The following CRNKL1 variants were observed in gnomAD, a reference collection of about 807,000 sequenced individuals.
CRNKL1 encodes the protein crooked neck pre-mRNA splicing factor 1.
CRNKL1 carries 35 observed loss-of-function variants against 103.7 expected under a neutral mutation model. The observed-to-expected ratio is 0.34, with a 90% CI of 0.26 to 0.45. The LOEUF is 0.45. Ranked by LOEUF, CRNKL1 falls within the 20% of genes least tolerant of loss-of-function variation. The pLI is 1.00. For missense variants in CRNKL1, 645 were observed against 836.0 expected (o/e 0.77, Z 2.82); for synonymous variants, 267 against 282.6 (o/e 0.94, Z 0.55).
In CRNKL1 at chr20:20,035,817, A is replaced by T. The variant is rs1211912520; in HGVS notation, c.*378T>A. The T allele has an allele frequency of 1.2e-5, 2 of 162,792 alleles. No homozygotes were observed. The highest frequency in any genetic ancestry group is 4.8e-5 in the African/African-American group (2 of 41,626). 10.1% of individuals were successfully genotyped at this position (162,792 alleles called of 1,614,324 possible). A position where few individuals can be genotyped will look rare whatever the true frequency, so the allele number is the denominator to read the frequency against. ...ATAATCATGAGTGGCAGAGCTGGGA[A>T]ATGAACTCAAGTCTGTGACTCTGAA... On this transcript the variant is annotated 3_prime_UTR_variant, in exon 14 of 14. Coordinates refer to ENST00000536226, the MANE Select transcript of CRNKL1 (RefSeq NM_001278628.2).
intron 7 of CRNKL1, 83 bp downstream of exon 7, chr20:20,043,409 G>T: frequency 2.3e-6 from 3 of 1,304,274 alleles, no homozygotes; most frequent in East Asian, 2.3e-5. Flanking sequence ...AGTGCTACTT[G>T]CTATTATTCA....
upstream of CRNKL1, among the ~76,000 whole-genome samples, chr20:20,055,246 C>CT (rs1332963261): frequency 1.3e-5 from 2 of 152,064 alleles, no homozygotes; most frequent in Admixed American, 6.5e-5. Context: ...GTTTCAGAGT[C>CT]TATCATCTAA....
At position 20,036,044 on chromosome 20, in the gene CRNKL1, C is replaced by G; in HGVS notation, c.*151G>C. On this transcript the variant is annotated 3_prime_UTR_variant, in exon 14 of 14. Transcript: ENST00000536226. ...CTTGCAATCCCTACCCCTAGCTAACCCAAGAGCATTTAAAAAATAACTTAA... is the reference window on the plus strand; with the variant it reads ...CTTGCAATCCCTACCCCTAGCTAACGCAAGAGCATTTAAAAAATAACTTAA... 2 of 827,326 alleles carry G rather than the reference C, an allele frequency of 2.4e-6. No homozygotes were observed. The highest frequency in any genetic ancestry group is 3.6e-6 in the Non-Finnish European group (2 of 554,740). The allele number at this position is 827,326 out of a possible 1,614,324, so 51.2% of individuals were successfully genotyped here.
chr20:20,054,539 G>A (rs2044134525), upstream of CRNKL1, among the ~76,000 whole-genome samples: 1 of 152,116 alleles, frequency 6.6e-6, no homozygotes, highest in Non-Finnish European at 1.5e-5. Flanking sequence ...TCAACTTTCA[G>A]TGTATGTAAG....
At chr20:20,045,901 GCA>G (rs762034946) in intron 5 of CRNKL1, among the ~76,000 whole-genome samples, 6 of 152,250 alleles carry the variant, frequency 3.9e-5, no homozygotes, top group Non-Finnish European at 7.4e-5. Flanking sequence ...AAAGCCCTTA[GCA>G]CAGTTTCTAG....
chr20:20,041,321 C>G (rs1199123709), intron 9 of CRNKL1, among the ~76,000 whole-genome samples: 1 of 152,252 alleles, frequency 6.6e-6, no homozygotes, highest in Non-Finnish European at 1.5e-5. Flanking sequence ...TCTCCTTCCA[C>G]TCAGACTATT....
chr20:20,041,544 G>C (rs756431416), intron 9 of CRNKL1, 22 bp downstream of exon 9: 1 of 1,587,074 alleles, frequency 6.3e-7, no homozygotes, highest in South Asian at 1.1e-5. Context: ...GTTTGAAATG[G>C]AACACTTTAG....
In CRNKL1 at chr20:20,047,767, C is replaced by T. The variant is rs1249662730; in HGVS notation, c.620G>A (p.Arg207Gln). The change falls in exon 5 of 14, where the codon CGA becomes CAA. Residue 207 changes from arginine to glutamine, a missense_variant and splice_region_variant. Around this residue, in one of 2 missense-constraint regions of CRNKL1, gnomAD observed 582 missense variants for 707.7 expected, o/e 0.82. Transcript: ENST00000536226. Reference sequence around the variant, plus strand: ...TACAGATCTCGTCCAAAGGATATATCGCTCATAAATGGTGCGGGCCCGATC... The same window carrying T: ...TACAGATCTCGTCCAAAGGATATATTGCTCATAAATGGTGCGGGCCCGATC... ...EVDRARTIYE[R>Q]FVLVHPDVKN... 3.7e-6 allele frequency: 6 copies of T among 1,613,562 alleles called. No homozygotes were observed. The Admixed American group carries it at 5.0e-5, about 13-fold the overall frequency.
At position 20,034,387 on chromosome 20, in the gene CRNKL1, A is replaced by C. The variant is rs965126355; in HGVS notation, c.*1808T>G. On this transcript the variant is annotated 3_prime_UTR_variant, in exon 14 of 14. Coordinates refer to ENST00000536226, the MANE Select transcript of CRNKL1 (RefSeq NM_001278628.2). ...AAATTATTAAACTTTTACTATCGAAAGGATTTACTTTGGTGGAGTTGAGGG... is the reference window on the plus strand; with the variant it reads ...AAATTATTAAACTTTTACTATCGAACGGATTTACTTTGGTGGAGTTGAGGG... 2.0e-5 allele frequency: 3 copies of C among 152,182 alleles called. No individual in the cohort carries two copies. The highest frequency in any genetic ancestry group is 4.4e-5 in the Non-Finnish European group (3 of 68,044). The allele number at this position is 152,182 out of a possible 1,614,324, so 9.4% of individuals were successfully genotyped here.
chr20:20,052,551 C>A (rs148307781), upstream of CRNKL1: 2 of 1,614,152 alleles, frequency 1.2e-6, no homozygotes, highest in South Asian at 1.1e-5. Flanking sequence ...GTCCTCCTTG[C>A]GGCAGCGCGT....
rs772726100 is a variant in CRNKL1, at chr20:20,052,349, A to T, written c.-7T>A. 5.0e-6 allele frequency: 8 copies of T among 1,613,944 alleles called. No individual in the cohort carries two copies. Among genetic ancestry groups the T allele is most frequent in the Non-Finnish European group, 6.8e-6 (8 of 1,180,028 alleles). On this transcript the variant is annotated 5_prime_UTR_variant, in exon 1 of 14. Coordinates refer to ENST00000536226, the MANE Select transcript of CRNKL1 (RefSeq NM_001278628.2). ...CCGCGGTGGAGGCCGCCATGTCTGC[A>T]GCAGTCGACCTCTGGACACCTGTCC...
upstream of CRNKL1, among the ~76,000 whole-genome samples, chr20:20,053,607 G>A (rs574354272): frequency 1.4e-4 from 21 of 152,250 alleles, no homozygotes; most frequent in East Asian, 3.3e-3. Context: ...GTAATATCAC[G>A]TCTACCAATG....
In CRNKL1 at chr20:20,034,437, T is replaced by C. The variant is rs967841464; in HGVS notation, c.*1758A>G. On this transcript the variant is annotated 3_prime_UTR_variant, in exon 14 of 14. Coordinates refer to ENST00000536226, the MANE Select transcript of CRNKL1 (RefSeq NM_001278628.2). ...GTGGGAGAGAAATGAATCTTTATGT[T>C]CTCCTGTTAGAGAATAGCTTTTTTC... 6.6e-6 allele frequency: 1 copy of C among 152,224 alleles called. No individual in the cohort carries two copies. The highest frequency in any genetic ancestry group is 6.5e-5 in the Admixed American group (1 of 15,278). The allele number at this position is 152,224 out of a possible 1,614,324, so 9.4% of individuals were successfully genotyped here. A position where few individuals can be genotyped will look rare whatever the true frequency, so the allele number is the denominator to read the frequency against.
At chr20:20,047,625 T>C (rs573578993) in intron 5 of CRNKL1, 140 bp downstream of exon 5, 72 of 749,192 alleles carry the variant, frequency 9.6e-5, no homozygotes, top group Admixed American at 8.1e-4. Flanking sequence ...CTACAAAACA[T>C]AGGGAAGCTG....
rs539493595 is a variant in CRNKL1 at position 20,044,610 on chromosome 20, G to C, written c.801+698C>G. Among the ~76,000 whole-genome samples, 15 of 152,264 alleles carry C rather than the reference G, an allele frequency of 9.9e-5. 1 individual carries two copies. In the East Asian group the frequency reaches 2.9e-3, roughly 29 times the overall value. ...CTGTATTTGGATGGATCTCAATTCT[G>C]TATTATTTGAACTCCCTTTTTTTTT... On this transcript the variant is annotated intron_variant, in intron 6 of 13. Transcript: ENST00000536226.
chr20:20,038,543 C>G (rs1256641511), intron 11 of CRNKL1, 93 bp from the exon 12 acceptor site: 5 of 681,680 alleles, frequency 7.3e-6, no homozygotes, highest in Non-Finnish European at 1.3e-5. Flanking sequence ...TAACCTACAT[C>G]TAGGAACATA....
chr20:20,036,652 T>C (rs1321145912), intron 13 of CRNKL1, among the ~76,000 whole-genome samples: 1 of 152,238 alleles, frequency 6.6e-6, no homozygotes, highest in Non-Finnish European at 1.5e-5. Context: ...AGTCTTACAC[T>C]TAAGAAAACG....
At chr20:20,053,627 C>G (rs191424243), upstream of CRNKL1, among the ~76,000 whole-genome samples, 9 of 152,296 alleles carry the variant, frequency 5.9e-5, no homozygotes, top group East Asian at 1.5e-3. Context: ...GCAGATATTA[C>G]TTTCAACAAA....
rs1365856237 is a variant in CRNKL1 at position 20,035,291 on chromosome 20, A to T, written c.*904T>A. 6.6e-6 allele frequency: 1 copy of T among 152,212 alleles called. No homozygotes were observed. The highest frequency in any genetic ancestry group is 1.5e-5 in the Non-Finnish European group (1 of 68,040). The allele number at this position is 152,212 out of a possible 1,614,324, so 9.4% of individuals were successfully genotyped here. A position where few individuals can be genotyped will look rare whatever the true frequency, so the allele number is the denominator to read the frequency against. On this transcript the variant is annotated 3_prime_UTR_variant, in exon 14 of 14. Coordinates refer to ENST00000536226, the MANE Select transcript of CRNKL1 (RefSeq NM_001278628.2). ...GGCAACATTGCTACTGGAGATACATAATGTACAGAAGCCTAACTATAAAGA... is the reference window on the plus strand; with the variant it reads ...GGCAACATTGCTACTGGAGATACATTATGTACAGAAGCCTAACTATAAAGA...
Sources: gnomAD v4.1 joint callset for allele counts (sites outside exome capture counted in the v4.1 genomes callset) on GRCh38, gnomAD v4.1.1 for gene constraint, gnomAD v4.1.1 regional missense constraint, MANE v1.5 for transcripts, NCBI Gene and HGNC (gene_info 2026-07-23, HGNC 2026-07-21) for gene names.